PCK2: variants seen among roughly 807,000 people sequenced by gnomAD.
PCK2 encodes the protein phosphoenolpyruvate carboxykinase 2, mitochondrial.
A neutral mutation model predicts 65.9 loss-of-function variants in PCK2; 56 were observed. That is an observed-to-expected ratio of 0.85 (90% CI 0.69 to 1.06). The LOEUF is 1.06. Among genes scored for constraint, PCK2 ranks in the 50% least tolerant of loss-of-function variants. The probability of loss-of-function intolerance (pLI) is 0.00; values close to 1 mark genes in which losing one functional copy is unlikely to be tolerated. For synonymous variants in PCK2, 305 were observed against 319.6 expected (o/e 0.95, Z 0.49); for missense variants, 843 against 863.1 (o/e 0.98, Z 0.29).
intron 1 of PCK2, chr14:24,095,335 T>C (rs2036820555): frequency 4.7e-6 from 2 of 423,942 alleles, no homozygotes; most frequent in Non-Finnish European, 9.6e-6. Context: ...GCTTGAAAAC[T>C]GATGCTCACG....
At chr14:24,101,507 T>C (rs952781511) in intron 7 of PCK2, among the ~76,000 whole-genome samples, 2 of 152,200 alleles carry the variant, frequency 1.3e-5, no homozygotes, top group African/African-American at 4.8e-5. Flanking sequence ...AGGTGCCAAG[T>C]GTGACCTGGG....
In PCK2 at chr14:24,100,245, T is replaced by C. The variant is rs746654463; in HGVS notation, c.1234+32T>C. 46 of 1,611,586 alleles carry C rather than the reference T, an allele frequency of 2.9e-5. 1 individual carries two copies. The South Asian group carries it at 4.7e-4, about 17-fold the overall frequency. On this transcript the variant is annotated intron_variant, in intron 7 of 9. Coordinates refer to ENST00000216780, the MANE Select transcript of PCK2 (RefSeq NM_004563.4). ...GCGGTGGGGAAGGTGTGGCACAGCC[T>C]CCAGGCCTCAGCACCTTAATGGTGG...
At position 24,094,529 on chromosome 14, in the gene PCK2, A is replaced by T; in HGVS notation, c.29+95A>T. 6.9e-7 allele frequency: 1 copy of T among 1,444,834 alleles called. No individual in the cohort carries two copies. Among genetic ancestry groups the T allele is most frequent in the Non-Finnish European group, 9.1e-7 (1 of 1,104,210 alleles). The allele number at this position is 1,444,834 out of a possible 1,614,324, so 89.5% of individuals were successfully genotyped here. A position where few individuals can be genotyped will look rare whatever the true frequency, so the allele number is the denominator to read the frequency against. On this transcript the variant is annotated intron_variant, in intron 1 of 9. Transcript: ENST00000216780. This position sits in a 1 kb window ranked among gnomAD's most constrained non-coding sequence, Gnocchi z 4.1. The stretch of plus-strand genomic sequence containing the variant: ...CGCTCTCCTGCTCTCAGCCTCCGCC[A>T]GGTTTCCCATCCTAGGCGGAGGCGG...
intron 4 of PCK2, 54 bp downstream of exon 4, chr14:24,098,732 G>T: frequency 6.7e-7 from 1 of 1,483,828 alleles, no homozygotes. Context: ...GTACTCAGAG[G>T]AAATCCCAAA....
chr14:24,103,772 A>G lies in PCK2; in HGVS notation c.1731A>G (p.Pro577=). 6.2e-7 allele frequency: 1 copy of G among 1,614,184 alleles called. No homozygotes were observed. Residue 577 remains proline, a synonymous_variant, in exon 10 of 10, where the codon CCA becomes CCG. Transcript: ENST00000216780. ...SARETPIGLV[P]KEGALDLSGL... ...GAGAGACACCCATTGGGCTGGTGCC[A>G]AAGGAAGGAGCCTTGGATCTCAGCG...
In PCK2 at chr14:24,103,642, G is replaced by C; in HGVS notation, c.1601G>C (p.Trp534Ser). Residue 534 changes from tryptophan to serine, a missense_variant, in exon 10 of 10, where the codon TGG (tryptophan) becomes TCG (serine). By Grantham distance (177) the Trp-to-Ser change is radical (BLOSUM62 -3). Transcript: ENST00000216780. ...CTGCCCCGTATCTTCCATGTCAACTGGTTCCGGCGTGACGAGGCAGGGCAC... is the reference window on the plus strand; with the variant it reads ...CTGCCCCGTATCTTCCATGTCAACTCGTTCCGGCGTGACGAGGCAGGGCAC... ...AQLPRIFHVN[W>S]FRRDEAGHFL... 6.2e-7 allele frequency: 1 copy of C among 1,614,202 alleles called. No homozygotes were observed. Among genetic ancestry groups the C allele is most frequent in the Non-Finnish European group, 8.5e-7 (1 of 1,180,010 alleles).
intron 7 of PCK2, chr14:24,100,453 A>T: frequency 3.2e-6 from 3 of 942,506 alleles, no homozygotes; most frequent in Non-Finnish European, 4.5e-6. Context: ...ACATCAGTTG[A>T]ATGAGGGTAG....
chr14:24,102,102 C>G (rs901140404), intron 7 of PCK2, among the ~76,000 whole-genome samples: 1 of 152,090 alleles, frequency 6.6e-6, no homozygotes, highest in African/African-American at 2.4e-5. Context: ...GTGGTGGGTG[C>G]CTGTAATCCC....
chr14:24,100,425 C>T, intron 7 of PCK2: 1 of 1,114,178 alleles, frequency 9.0e-7, no homozygotes, highest in Non-Finnish European at 1.2e-6. Flanking sequence ...TGCTCAACTT[C>T]CCTAAGCTTT....
At chr14:24,103,343 C>G in intron 9 of PCK2, 88 bp downstream of exon 9, 1 of 1,213,366 alleles carries the variant, frequency 8.2e-7, no homozygotes, top group East Asian at 2.4e-5. Flanking sequence ...CTTTTGTCCA[C>G]CCCTGGAGTC....
At chr14:24,102,651 C>G (rs992885008) in intron 7 of PCK2, 102 bp from the exon 8 acceptor site, 2 of 883,130 alleles carry the variant, frequency 2.3e-6, no homozygotes, top group Non-Finnish European at 3.4e-6. Context: ...GCTGATGAGG[C>G]AAAAAAAAAA....
In PCK2 at chr14:24,104,098, C is replaced by T. The variant is rs1052154040; in HGVS notation, c.*134C>T. 8 of 640,756 alleles carry T rather than the reference C, an allele frequency of 1.2e-5. No individual in the cohort carries two copies. Among genetic ancestry groups the T allele is most frequent in the Non-Finnish European group, 2.2e-5 (8 of 359,386 alleles). The allele number at this position is 640,756 out of a possible 1,614,324, so 39.7% of individuals were successfully genotyped here. A position where few individuals can be genotyped will look rare whatever the true frequency, so the allele number is the denominator to read the frequency against. Reference sequence around the variant, plus strand: ...CATAGACCTTCCCACAAAGACTGTCCAATAATAAGAGATGCTTATCTATTT... The same window carrying T: ...CATAGACCTTCCCACAAAGACTGTCTAATAATAAGAGATGCTTATCTATTT... On this transcript the variant is annotated 3_prime_UTR_variant, in exon 10 of 10. Transcript: ENST00000216780.
At chr14:24,103,093 AC>A in intron 8 of PCK2, 66 bp from the exon 9 acceptor site, 1 of 1,342,940 alleles carries the variant, frequency 7.4e-7, no homozygotes, top group Non-Finnish European at 1.1e-6. Flanking sequence ...AGTCAAGCTC[AC>A]CAGAAGGGCT....
At chr14:24,102,386 C>A (rs116558989) in intron 7 of PCK2, among the ~76,000 whole-genome samples, 1,551 of 152,318 alleles carry the variant, frequency 0.01, 17 homozygotes, top group African/African-American at 0.023. Context: ...AATAATCTCA[C>A]AAATAATGAA....
rs2857584 is a variant in PCK2 at position 24,099,921 on chromosome 14, A to G, written c.1016-74A>G. 1.9e-6 allele frequency: 3 copies of G among 1,613,330 alleles called. No individual in the cohort carries two copies. In the South Asian group the frequency reaches 3.3e-5, roughly 18 times the overall value. Reference sequence around the variant, plus strand: ...TCCATCTCAGGACAGGGGTGGGTGGAGCAGGACCTTCTTTGGTCTTACATC... The same window carrying G: ...TCCATCTCAGGACAGGGGTGGGTGGGGCAGGACCTTCTTTGGTCTTACATC... On this transcript the variant is annotated intron_variant, in intron 6 of 9. Coordinates refer to ENST00000216780, the MANE Select transcript of PCK2 (RefSeq NM_004563.4).
In PCK2 at chr14:24,098,195, T is replaced by A; in HGVS notation, c.276-8T>A. 6.3e-7 allele frequency: 1 copy of A among 1,586,262 alleles called. No individual in the cohort carries two copies. The highest frequency in any genetic ancestry group is 8.6e-7 in the Non-Finnish European group (1 of 1,162,032). On this transcript the variant is annotated splice_polypyrimidine_tract_variant and splice_region_variant and intron_variant, in intron 2 of 9. Transcript: ENST00000216780. ...CCACCATCTTCCTGACAATCCCCTC[T>A]CCCCCAGCTGGCTGGCCCGCACAGA...
intron 6 of PCK2, 135 bp from the exon 7 acceptor site, chr14:24,099,860 C>G: frequency 6.4e-7 from 1 of 1,558,910 alleles, no homozygotes; most frequent in South Asian, 1.1e-5. Flanking sequence ...GCAGCCCAGC[C>G]ACCCGAGAGA....
At chr14:24,101,182 A>G (rs1032485795) in intron 7 of PCK2, among the ~76,000 whole-genome samples, 5 of 152,204 alleles carry the variant, frequency 3.3e-5, no homozygotes, top group Admixed American at 6.5e-5. Flanking sequence ...CCCACAGGCT[A>G]GTTCCCCAAC....
Position 24,099,127 on chromosome 14 carries a change from C to T in PCK2, c.743C>T (p.Ser248Phe). The T allele has an allele frequency of 6.2e-7, 1 of 1,612,416 alleles. No homozygotes were observed. Among genetic ancestry groups the T allele is most frequent in the Non-Finnish European group, 8.5e-7 (1 of 1,179,684 alleles). ...GTGCCCGACCAGCGGGAGATCATCT[C>T]CTTCGGCAGCGGCTATGGTGGCAAC... ...GHVPDQREII[S>F]FGSGYGGNSL... is the part of the protein sequence containing the mutation. Residue 248 changes from serine (S) to phenylalanine (F), a missense_variant, in exon 5 of 10, where the codon TCC (serine) becomes TTC (phenylalanine). Ser to Phe is a radical substitution (Grantham distance 155, BLOSUM62 -2). Coordinates refer to ENST00000216780, the MANE Select transcript of PCK2 (RefSeq NM_004563.4).
Sources: allele counts gnomAD v4.1 joint callset (sites outside exome capture counted in the v4.1 genomes callset), GRCh38; gene constraint gnomAD v4.1.1; non-coding constraint Gnocchi (gnomAD v3.1); transcripts MANE v1.5; gene names NCBI Gene and HGNC (gene_info 2026-07-23, HGNC 2026-07-21).